Variants in CDH4 observed in about 807,000 individuals in gnomAD.
CDH4 encodes the protein cadherin 4.
CDH4 carries 33 observed loss-of-function variants against 86.0 expected under a neutral mutation model. The observed-to-expected ratio is 0.38, with a 90% CI of 0.29 to 0.51. CDH4 has a LOEUF of 0.51. Among genes scored for constraint, CDH4 ranks in the 20% least tolerant of loss-of-function variants. The pLI is 0.86. For missense variants in CDH4, 1,114 were observed against 1,307.4 expected, an observed-to-expected ratio of 0.85 and a Z score of 2.28; for synonymous variants, 555 against 549.4, an observed-to-expected ratio of 1.01 and a Z score of -0.14.
At chr20:61,409,573 T>C (rs1481132861) in intron 2 of CDH4, among the ~76,000 whole-genome samples, 1 of 152,232 alleles carries the variant, frequency 6.6e-6, no homozygotes, top group East Asian at 1.9e-4. Context: ...GGTATCGCAC[T>C]GTGTGCATTT....
intron 4 of CDH4, among the ~76,000 whole-genome samples, chr20:61,828,354 C>A (rs1048971540): frequency 6.6e-6 from 1 of 152,188 alleles, no homozygotes. Context: ...TGGATCTTAC[C>A]ACCATGTGTA....
chr20:61,766,449 C>T (rs952951353), intron 3 of CDH4, among the ~76,000 whole-genome samples: 1 of 152,066 alleles, frequency 6.6e-6, no homozygotes, highest in African/African-American at 2.4e-5. Context: ...CTTTTAGGAG[C>T]TCCACCCCCA....
At chr20:61,402,415 G>A (rs1172795506) in intron 2 of CDH4, among the ~76,000 whole-genome samples, 2 of 150,762 alleles carry the variant, frequency 1.3e-5, no homozygotes, top group East Asian at 1.9e-4. Context: ...TTTGTTTTGA[G>A]GCAGAGTCTC....
chr20:61,939,401 C>G lies in CDH4; in HGVS notation c.*2458C>G, dbSNP rs1250024179. On this transcript the variant is annotated 3_prime_UTR_variant, in exon 16 of 16. Transcript: ENST00000614565. ...TCTTGTCACTGCCAAGCCCCCGTTCCTTTTGCCCAAATCACGCAGGCGGAA... is the reference window on the plus strand; with the variant it reads ...TCTTGTCACTGCCAAGCCCCCGTTCGTTTTGCCCAAATCACGCAGGCGGAA... 6.6e-6 allele frequency: 1 copy of G among 152,304 alleles called. No individual in the cohort carries two copies. The highest frequency in any genetic ancestry group is 1.5e-5 in the Non-Finnish European group (1 of 68,070). 9.4% of individuals were successfully genotyped at this position (152,304 alleles called of 1,614,324 possible).
chr20:61,454,811 C>T (rs748076300), intron 2 of CDH4, among the ~76,000 whole-genome samples: 4 of 152,050 alleles, frequency 2.6e-5, no homozygotes, highest in Non-Finnish European at 4.4e-5. Context: ...CTGTGGCAAA[C>T]GCAGGAGCCT....
At chr20:61,652,930 A>ATTTTTTTTTTTTTTTTTT (rs1200927520) in intron 2 of CDH4, among the ~76,000 whole-genome samples, 5 of 108,110 alleles carry the variant, frequency 4.6e-5, no homozygotes, top group African/African-American at 9.3e-5. Flanking sequence ...TTATTTATTT[A>ATTTTTTTTTTTTTTTTTT]TTTATTTATT....
At chr20:61,844,542 G>T (rs1405478077) in intron 4 of CDH4, 126 bp from the exon 5 acceptor site, 2 of 841,752 alleles carry the variant, frequency 2.4e-6, no homozygotes, top group African/African-American at 1.7e-5. Context: ...GATCAGCTGT[G>T]GTCCCCATTG....
rs766927780 is a variant in CDH4 at position 61,873,887 on chromosome 20, G to A, written c.1037G>A (p.Gly346Asp). ...GGAGATATCGTCACAGTGGCGGCTGGCCTGGACCGAGAGGTGAGGCGGGGT... is the reference window on the plus strand; with the variant it reads ...GGAGATATCGTCACAGTGGCGGCTGACCTGGACCGAGAGGTGAGGCGGGGT... ...ETGDIVTVAA[G>D]LDREKVQQYT... Residue 346 changes from glycine to aspartate, a missense_variant, in exon 7 of 16, where the codon GGC (glycine) becomes GAC (aspartate). By Grantham distance (94) the Gly-to-Asp change is moderately conservative. Coordinates refer to ENST00000614565, the MANE Select transcript of CDH4 (RefSeq NM_001794.5). 1 of 1,613,732 alleles carries A rather than the reference G, an allele frequency of 6.2e-7. No individual in the cohort carries two copies. The highest frequency in any genetic ancestry group is 8.5e-7 in the Non-Finnish European group (1 of 1,179,980).
chr20:61,569,968 A>G (rs1305437548), intron 2 of CDH4, among the ~76,000 whole-genome samples: 1 of 152,188 alleles, frequency 6.6e-6, no homozygotes, highest in East Asian at 1.9e-4. Flanking sequence ...TTTTCTGGGT[A>G]AAACACTCCT....
At chr20:61,923,009 G>A (rs73917142) in intron 9 of CDH4, among the ~76,000 whole-genome samples, 9,768 of 152,318 alleles carry the variant, frequency 0.064, 988 homozygotes, top group African/African-American at 0.22. Context: ...GGTCCCAGGT[G>A]GACATGTCTT....
At chr20:61,492,630 C>T (rs961845922) in intron 2 of CDH4, among the ~76,000 whole-genome samples, 3 of 152,014 alleles carry the variant, frequency 2.0e-5, no homozygotes, top group African/African-American at 4.8e-5. Context: ...TTGTGTCAGG[C>T]GTGATTTGGA....
At chr20:61,774,765 A>G (rs2088817937) in intron 4 of CDH4, among the ~76,000 whole-genome samples, 1 of 152,150 alleles carries the variant, frequency 6.6e-6, no homozygotes, top group Admixed American at 6.5e-5. Context: ...TATAAGTGAG[A>G]ACATGTGGTG....
intron 2 of CDH4, among the ~76,000 whole-genome samples, chr20:61,734,499 A>T (rs2145930005): frequency 6.6e-6 from 1 of 152,354 alleles, no homozygotes; most frequent in South Asian, 2.1e-4. Flanking sequence ...ACTACACGGG[A>T]TCTGGAGGTG....
At chr20:61,785,686 C>G (rs531663113) in intron 4 of CDH4, among the ~76,000 whole-genome samples, 2 of 152,170 alleles carry the variant, frequency 1.3e-5, no homozygotes, top group Non-Finnish European at 2.9e-5. Context: ...GGGCTCCTAC[C>G]CAGGTGTGTA....
chr20:61,273,536 T>G (rs2084200130), intron 2 of CDH4, among the ~76,000 whole-genome samples: 1 of 113,896 alleles, frequency 8.8e-6, no homozygotes, highest in Non-Finnish European at 1.8e-5. Context: ...TTTAGGGGAG[T>G]ACCGTGTGCA....
At chr20:61,772,091 A>G (rs184014803) in intron 3 of CDH4, among the ~76,000 whole-genome samples, 1 of 152,162 alleles carries the variant, frequency 6.6e-6, no homozygotes, top group East Asian at 1.9e-4. Flanking sequence ...GCATTTTCTC[A>G]TTGTCATCTG....
intron 2 of CDH4, among the ~76,000 whole-genome samples, chr20:61,722,338 G>A (rs1008478096): frequency 6.6e-6 from 1 of 152,236 alleles, no homozygotes; most frequent in South Asian, 2.1e-4. Flanking sequence ...CATGCCAGCC[G>A]CCGTCATCAG....
At chr20:61,406,383 G>A (rs532977261) in intron 2 of CDH4, among the ~76,000 whole-genome samples, 26 of 144,986 alleles carry the variant, frequency 1.8e-4, no homozygotes, top group Admixed American at 1.1e-3. Context: ...TGCTCTGCCC[G>A]GACCACTGTC....
chr20:61,539,609 G>C (rs1414315926), intron 2 of CDH4, among the ~76,000 whole-genome samples: 2 of 152,202 alleles, frequency 1.3e-5, no homozygotes, highest in Non-Finnish European at 2.9e-5. Context: ...ATGTTCTGAC[G>C]GGATTAGGAC....
Sources: gnomAD v4.1 joint callset for allele counts (sites outside exome capture counted in the v4.1 genomes callset) on GRCh38, gnomAD v4.1.1 for gene constraint, MANE v1.5 for transcripts, NCBI Gene and HGNC (gene_info 2026-07-23, HGNC 2026-07-21) for gene names.